LRRTM4: variants seen among roughly 807,000 people sequenced by gnomAD.
The protein encoded by LRRTM4 is leucine-rich repeat transmembrane neuronal protein 4.
A neutral mutation model predicts 47.6 loss-of-function variants in LRRTM4; 25 were observed. That is an observed-to-expected ratio of 0.53 (90% CI 0.38 to 0.73). The LOEUF is 0.73. LRRTM4 is among the 30% of genes least tolerant of loss of function. The pLI, the probability that LRRTM4 is intolerant of heterozygous loss-of-function variation, is 0.00. For missense variants in LRRTM4, 638 were observed against 713.4 expected (o/e 0.89, Z 1.20); for synonymous variants, 311 against 269.5 (o/e 1.15, Z -1.51).
At chr2:77,356,506 A>G (rs955220869) in intron 3 of LRRTM4, among the ~76,000 whole-genome samples, 10 of 152,210 alleles carry the variant, frequency 6.6e-5, no homozygotes, top group Non-Finnish European at 1.3e-4. Context: ...GAAGTATCAA[A>G]AATCACATAA....
chr2:77,193,386 G>C (rs1274636554), intron 3 of LRRTM4, among the ~76,000 whole-genome samples: 2 of 151,574 alleles, frequency 1.3e-5, no homozygotes, highest in African/African-American at 2.4e-5. Flanking sequence ...AAATTTTATT[G>C]TTGAAAAAAT....
At chr2:77,356,415 A>C (rs1671970735) in intron 3 of LRRTM4, among the ~76,000 whole-genome samples, 1 of 152,182 alleles carries the variant, frequency 6.6e-6, no homozygotes, top group Non-Finnish European at 1.5e-5. Context: ...AATATGGAAG[A>C]AACTAAGAGA....
chr2:76,782,242 T>C (rs923284119), intron 3 of LRRTM4, among the ~76,000 whole-genome samples: 1 of 152,194 alleles, frequency 6.6e-6, no homozygotes, highest in African/African-American at 2.4e-5. Context: ...TTTCCTTTCC[T>C]TTTTTTACAG....
rs150339963 is a variant in LRRTM4, at chr2:77,006,515, C to A, written c.1552-257599G>T. Among the ~76,000 whole-genome samples, 103 of 152,160 alleles carry A rather than the reference C, an allele frequency of 6.8e-4. 1 individual carries two copies. The highest frequency in any genetic ancestry group is 1.1e-3 in the Non-Finnish European group (78 of 68,000). ...AAAATCATAACATTAGGGCCAATGC[C>A]AATTGCAAAGTCCTGTATTCAATGC... On this transcript the variant is annotated intron_variant, in intron 3 of 3. Transcript: ENST00000409884.
intron 3 of LRRTM4, among the ~76,000 whole-genome samples, chr2:76,806,180 C>T (rs755625056): frequency 6.6e-6 from 1 of 152,150 alleles, no homozygotes; most frequent in Non-Finnish European, 1.5e-5. Context: ...TGGGAAAGGG[C>T]TTTATTAAAC....
intron 3 of LRRTM4, among the ~76,000 whole-genome samples, chr2:76,823,154 C>A (rs528533690): frequency 2.3e-4 from 35 of 151,196 alleles, no homozygotes; most frequent in South Asian, 4.2e-4. Flanking sequence ...AATCTTGATG[C>A]CATGATTACA....
In LRRTM4 at chr2:77,090,594, C is replaced by T. The variant is rs535082300; in HGVS notation, c.1552-341678G>A. Reference sequence around the variant, plus strand: ...TCTCCAGCACACAAGAACTTCCAAACGCCTGAACCGCAGTGGCCAGACCTT... The same window carrying T: ...TCTCCAGCACACAAGAACTTCCAAATGCCTGAACCGCAGTGGCCAGACCTT... On this transcript the variant is annotated intron_variant, in intron 3 of 3. Coordinates refer to ENST00000409884, the MANE Select transcript of LRRTM4 (RefSeq NM_001134745.3). Among the ~76,000 whole-genome samples, 31 of 152,284 alleles carry T rather than the reference C, an allele frequency of 2.0e-4. No individual in the cohort carries two copies. In the South Asian group the frequency reaches 2.7e-3, roughly 13 times the overall value.
chr2:76,912,249 T>A (rs983692997), intron 3 of LRRTM4, among the ~76,000 whole-genome samples: 1 of 152,118 alleles, frequency 6.6e-6, no homozygotes, highest in Non-Finnish European at 1.5e-5. Flanking sequence ...GATGTATGAA[T>A]ATAATAAAAT....
At chr2:76,985,050 T>A (rs1676745320) in intron 3 of LRRTM4, among the ~76,000 whole-genome samples, 1 of 152,020 alleles carries the variant, frequency 6.6e-6, no homozygotes, top group Non-Finnish European at 1.5e-5. Context: ...ATTAATTTTC[T>A]TTGTATGAGT....
intron 3 of LRRTM4, among the ~76,000 whole-genome samples, chr2:76,955,653 A>G (rs561830870): frequency 6.6e-6 from 1 of 151,684 alleles, no homozygotes; most frequent in African/African-American, 2.4e-5. Context: ...TTGGAGTGTA[A>G]TTAGGTCATG....
chr2:77,320,346 T>C (rs1234598851), intron 3 of LRRTM4, among the ~76,000 whole-genome samples: 4 of 152,202 alleles, frequency 2.6e-5, no homozygotes, highest in Non-Finnish European at 5.9e-5. Flanking sequence ...ACCCACACCC[T>C]TAATTTCCCA....
chr2:76,793,178 A>G (rs1450203697), intron 3 of LRRTM4, among the ~76,000 whole-genome samples: 1 of 152,174 alleles, frequency 6.6e-6, no homozygotes, highest in East Asian at 1.9e-4. Flanking sequence ...TGAATAGTGT[A>G]ACCTATTTAT....
At chr2:77,392,512 T>C (rs891227007) in intron 3 of LRRTM4, among the ~76,000 whole-genome samples, 3 of 152,056 alleles carry the variant, frequency 2.0e-5, no homozygotes, top group Non-Finnish European at 4.4e-5. Context: ...ATATACACAA[T>C]GGAATATAAT....
chr2:77,414,670 T>C (rs1445884337), intron 3 of LRRTM4, among the ~76,000 whole-genome samples: 1 of 152,242 alleles, frequency 6.6e-6, no homozygotes, highest in Non-Finnish European at 1.5e-5. Context: ...AACCACACTT[T>C]CTTTGGAAAC....
At chr2:77,319,763 T>C (rs1677732890) in intron 3 of LRRTM4, among the ~76,000 whole-genome samples, 1 of 152,200 alleles carries the variant, frequency 6.6e-6, no homozygotes, top group Non-Finnish European at 1.5e-5. Context: ...CATTTTGAAA[T>C]AACCATACTA....
intron 3 of LRRTM4, among the ~76,000 whole-genome samples, chr2:76,807,403 T>C (rs1670525047): frequency 9.7e-6 from 1 of 102,792 alleles, no homozygotes; most frequent in Non-Finnish European, 1.8e-5. Flanking sequence ...TATATATGTA[T>C]ATACGTATAT....
chr2:76,791,428 T>C (rs779971269), intron 3 of LRRTM4, among the ~76,000 whole-genome samples: 5 of 152,192 alleles, frequency 3.3e-5, no homozygotes, highest in Non-Finnish European at 5.9e-5. Flanking sequence ...AATTATGAGA[T>C]GATTTATCAG....
chr2:76,910,823 A>G (rs796844409), intron 3 of LRRTM4, among the ~76,000 whole-genome samples: 19 of 152,290 alleles, frequency 1.2e-4, no homozygotes, highest in African/African-American at 3.1e-4. Context: ...ACATTGGAAT[A>G]TATCTTGATT....
intron 3 of LRRTM4, among the ~76,000 whole-genome samples, chr2:76,761,394 C>T (rs1573060938): frequency 6.6e-6 from 1 of 152,080 alleles, no homozygotes; most frequent in East Asian, 1.9e-4. Context: ...TCTTAGTTAC[C>T]ATCAATTTGG....
Sources: allele counts gnomAD v4.1 joint callset (sites outside exome capture counted in the v4.1 genomes callset), GRCh38; gene constraint gnomAD v4.1.1; transcripts MANE v1.5; gene names NCBI Gene and HGNC (gene_info 2026-07-23, HGNC 2026-07-21).